TPM2: variants seen among roughly 807,000 people sequenced by gnomAD.
TPM2 encodes the protein tropomyosin 2, also known as tropomyosin beta chain.
In TPM2, 26 loss-of-function variants were observed where a neutral mutation model predicts 41.0. The observed-to-expected ratio is 0.63, with a 90% CI of 0.46 to 0.88. TPM2 has a LOEUF of 0.88. Among genes scored for constraint, TPM2 ranks in the 40% least tolerant of loss-of-function variants. The probability of loss-of-function intolerance (pLI) is 0.00; values close to 1 mark genes in which losing one functional copy is unlikely to be tolerated. For synonymous variants in TPM2, 143 were observed against 139.3 expected, an observed-to-expected ratio of 1.03 and a Z score of -0.19; for missense variants, 187 against 355.2, an observed-to-expected ratio of 0.53 and a Z score of 3.81.
At chr9:35,682,166 G>A (rs201433451), downstream of TPM2, 62 of 1,614,022 alleles carry the variant, frequency 3.8e-5, no homozygotes, top group Non-Finnish European at 5.3e-5. Context: ...CAAGGTCTCT[G>A]TGAGGGGAAG....
chr9:35,682,063 T>A (rs754945031), downstream of TPM2: 2 of 1,613,794 alleles, frequency 1.2e-6, no homozygotes, highest in African/African-American at 2.7e-5. Flanking sequence ...ATAGCCTGGC[T>A]GGGGGTGGGG....
downstream of TPM2, chr9:35,682,522 A>C: frequency 1.6e-6 from 2 of 1,258,164 alleles, no homozygotes; most frequent in Admixed American, 6.5e-5. Flanking sequence ...TAGAAAACAG[A>C]CCTGCTGCTG....
chr9:35,683,967 CAA>C, intron 8 of TPM2: 1 of 457,984 alleles, frequency 2.2e-6, no homozygotes, highest in East Asian at 4.4e-5. Flanking sequence ...TCCTCCAGCC[CAA>C]AGTCAGCAAT....
Position 35,683,040 on chromosome 9 carries a change from C to T in TPM2, c.*119G>A, listed in dbSNP as rs1824664255. On this transcript the variant is annotated 3_prime_UTR_variant, in exon 9 of 9. Coordinates refer to ENST00000645482, the MANE Select transcript of TPM2 (RefSeq NM_003289.4). ...CATGATGGGGGCTCTCCCTAGGCTG[C>T]TCCCAGCCTGGCTGTGCAATGTTGG... 1 of 1,550,036 alleles carries T rather than the reference C, an allele frequency of 6.5e-7. No individual in the cohort carries two copies. Among genetic ancestry groups the T allele is most frequent in the Admixed American group, 2.0e-5 (1 of 50,958 alleles).
Position 35,684,320 on chromosome 9 carries a change from G to A in TPM2, c.703-5C>T, listed in dbSNP as rs887809455. On this transcript the variant is annotated splice_polypyrimidine_tract_variant and splice_region_variant and intron_variant, in intron 7 of 8. Coordinates refer to ENST00000645482, the MANE Select transcript of TPM2 (RefSeq NM_003289.4). ...AAACTCTGCTCGGGTCTCAGCCTGGGGGTAAAGGCAGGATGGGAGAAATGG... is the reference window on the plus strand; with the variant it reads ...AAACTCTGCTCGGGTCTCAGCCTGGAGGTAAAGGCAGGATGGGAGAAATGG... 4 of 1,614,108 alleles carry A rather than the reference G, an allele frequency of 2.5e-6. No individual in the cohort carries two copies. Among genetic ancestry groups the A allele is most frequent in the Non-Finnish European group, 3.4e-6 (4 of 1,180,004 alleles).
In TPM2 at chr9:35,685,618, G is replaced by A. The variant is rs112296508; in HGVS notation, c.374+29C>T. ...AGAGACAGGCTCCCTTCTCCCTCCC[G>A]GACCATCCTCCCCGAGGCCCCTGAC... On this transcript the variant is annotated intron_variant, in intron 3 of 8. Transcript: ENST00000645482. The surrounding 1 kb of genome is among the most constrained non-coding windows in gnomAD (Gnocchi z 5.0). 227 of 1,614,044 alleles carry A rather than the reference G, an allele frequency of 1.4e-4. 1 individual carries two copies. In the African/African-American group the frequency reaches 2.4e-3, roughly 17 times the overall value.
At chr9:35,688,692 C>T (rs141402379) in intron 2 of TPM2, among the ~76,000 whole-genome samples, 65 of 152,264 alleles carry the variant, frequency 4.3e-4, no homozygotes, top group African/African-American at 1.5e-3. Context: ...TTTCTAATGG[C>T]CCCTTAGGGT....
At position 35,685,516 on chromosome 9, in the gene TPM2, T is replaced by A. The variant is rs1824849596; in HGVS notation, c.410A>T (p.Asp137Val). 6.2e-7 allele frequency: 1 copy of A among 1,614,108 alleles called. No homozygotes were observed. The highest frequency in any genetic ancestry group is 8.5e-7 in the Non-Finnish European group (1 of 1,180,038). ...MKVIENRAMK[D>V]EEKMELQEMQ... ...CTCCTGCAGTTCCATCTTCTCCTCA[T>A]CCTTCATGGCCCGGTTTTCGATGAC... The change falls in exon 4 of 9, where the codon GAT (aspartate) becomes GTT (valine). Residue 137 changes from aspartate to valine, a missense_variant. By Grantham distance (152) the Asp-to-Val change is radical (BLOSUM62 -3). Transcript: ENST00000645482. The surrounding 1 kb of genome is among the most constrained non-coding windows in gnomAD (Gnocchi z 5.0).
At position 35,685,001 on chromosome 9, in the gene TPM2, G is replaced by C. The variant is rs1360099789; in HGVS notation, c.564-194C>G. 1 of 1,614,026 alleles carries C rather than the reference G, an allele frequency of 6.2e-7. No individual in the cohort carries two copies. The highest frequency in any genetic ancestry group is 8.5e-7 in the Non-Finnish European group (1 of 1,179,986). On this transcript the variant is annotated intron_variant, in intron 5 of 8. Transcript: ENST00000645482. This position sits in a 1 kb window ranked among gnomAD's most constrained non-coding sequence, Gnocchi z 5.0. ...GAGAAAGAGCAGCCTGCGGTGCTGA[G>C]ACGGAGGGAAGGTGAGCTGAGAGAA...
upstream of TPM2, chr9:35,690,029 G>T (rs1563932990): frequency 2.2e-6 from 3 of 1,384,326 alleles, no homozygotes; most frequent in Middle Eastern, 5.4e-4. Context: ...AGGGGCAGAA[G>T]CACGGCCCGG....
Position 35,683,244 on chromosome 9 carries a change from G to GC in TPM2, c.773-4_773-3insG, listed in dbSNP as rs1554658501. 6.9e-7 allele frequency: 1 copy of GC among 1,450,610 alleles called. No homozygotes were observed. Among genetic ancestry groups the GC allele is most frequent in the Non-Finnish European group, 9.2e-7 (1 of 1,088,754 alleles). The allele number at this position is 1,450,610 out of a possible 1,614,324, so 89.9% of individuals were successfully genotyped here. A position where few individuals can be genotyped will look rare whatever the true frequency, so the allele number is the denominator to read the frequency against. Reference sequence around the variant, plus strand: ...CATCTTCTGGGCATAGACTTCATCTGGGGGGGGTCCAGGGAGGGGACCAGG... The same window carrying GC: ...CATCTTCTGGGCATAGACTTCATCTGCGGGGGGGTCCAGGGAGGGGACCAGG... On this transcript the variant is annotated splice_polypyrimidine_tract_variant and splice_region_variant and intron_variant, in intron 8 of 8. Coordinates refer to ENST00000645482, the MANE Select transcript of TPM2 (RefSeq NM_003289.4).
intron 2 of TPM2, among the ~76,000 whole-genome samples, chr9:35,687,356 T>A (rs533644602): frequency 6.6e-6 from 1 of 152,066 alleles, no homozygotes; most frequent in South Asian, 2.1e-4. Context: ...CTGCACAGGG[T>A]CCACATTCCA....
Position 35,684,817 on chromosome 9 carries a change from G to T in TPM2, c.564-10C>A. On this transcript the variant is annotated splice_polypyrimidine_tract_variant and intron_variant, in intron 5 of 8. Coordinates refer to ENST00000645482, the MANE Select transcript of TPM2 (RefSeq NM_003289.4). ...TAGGTCCCCACATTTACTGCAGGGG[G>T]TGTGTGGCGGGGGGGGCAGGGTGTG... is the stretch of plus-strand genomic sequence containing the variant. The T allele has an allele frequency of 6.4e-7, 1 of 1,558,324 alleles. No homozygotes were observed.
chr9:35,684,169 A>T, intron 8 of TPM2, 77 bp downstream of exon 8: 5 of 1,499,986 alleles, frequency 3.3e-6, no homozygotes. Context: ...TTGGTGGCAA[A>T]TAAAATGGGA....
rs775561043 is a variant in TPM2, at chr9:35,684,291, C to T, written c.727G>A (p.Glu243Lys). 14 of 1,614,066 alleles carry T rather than the reference C, an allele frequency of 8.7e-6. No individual in the cohort carries two copies. The highest frequency in any genetic ancestry group is 6.7e-5 in the African/African-American group (5 of 74,922). Reference protein sequence around the residue: ...KEAETRAEFAERSVAKLEKTI... With the variant: ...KEAETRAEFAKRSVAKLEKTI... ...TTCTCCAACTTTGCCACAGACCTCT[C>T]GGCAAACTCTGCTCGGGTCTCAGCC... Residue 243 changes from glutamate (E) to lysine (K), a missense_variant, in exon 8 of 9, where the codon GAG (glutamate) becomes AAG (lysine). Glu to Lys is a moderately conservative substitution (Grantham distance 56, BLOSUM62 1). Transcript: ENST00000645482.
intron 2 of TPM2, among the ~76,000 whole-genome samples, chr9:35,686,747 G>A (rs549214137): frequency 6.6e-6 from 1 of 152,128 alleles, no homozygotes; most frequent in Non-Finnish European, 1.5e-5. Context: ...AATACCCATG[G>A]CTGTAGCAAG....
At chr9:35,688,952 G>A (rs1053118783) in intron 2 of TPM2, among the ~76,000 whole-genome samples, 194 bp downstream of exon 2, 5 of 152,200 alleles carry the variant, frequency 3.3e-5, no homozygotes, top group African/African-American at 9.7e-5. Context: ...GAAGTGGTAG[G>A]TGGTTTTGAT....
At chr9:35,688,862 C>T (rs1825086604) in intron 2 of TPM2, among the ~76,000 whole-genome samples, 1 of 152,184 alleles carries the variant, frequency 6.6e-6, no homozygotes, top group African/African-American at 2.4e-5. Flanking sequence ...ACCTTCCACC[C>T]CCACAATGAC....
At chr9:35,682,903 C>G, downstream of TPM2, 1 of 1,485,288 alleles carries the variant, frequency 6.7e-7, no homozygotes, top group South Asian at 1.3e-5. Flanking sequence ...TAGAGGTGCT[C>G]TCTGGAGGGC....
Sources: gnomAD v4.1 joint callset for allele counts (sites outside exome capture counted in the v4.1 genomes callset) on GRCh38, gnomAD v4.1.1 for gene constraint, Gnocchi (gnomAD v3.1) non-coding constraint, MANE v1.5 for transcripts, NCBI Gene and HGNC (gene_info 2026-07-23, HGNC 2026-07-21) for gene names.